MRPS27: variants seen among roughly 807,000 people sequenced by gnomAD.
MRPS27 encodes mitochondrial ribosomal protein S27, also known as small ribosomal subunit protein mS27.
MRPS27 carries 43 observed loss-of-function variants against 48.9 expected under a neutral mutation model. That is an observed-to-expected ratio of 0.88 (90% CI 0.69 to 1.13). The LOEUF (loss-of-function observed/expected upper bound fraction) is 1.13. MRPS27 is among the 50% of genes most tolerant of loss of function. MRPS27 has a pLI of 0.00. For missense variants in MRPS27, 467 were observed against 476.3 expected, an observed-to-expected ratio of 0.98 and a Z score of 0.18; for synonymous variants, 188 against 171.9, an observed-to-expected ratio of 1.09 and a Z score of -0.73.
At chr5:72,240,418 T>A (rs1748318284) in intron 4 of MRPS27, among the ~76,000 whole-genome samples, 1 of 151,728 alleles carries the variant, frequency 6.6e-6, no homozygotes, top group Non-Finnish European at 1.5e-5. Context: ...AAACGAAATA[T>A]AATTATTTTT....
chr5:72,221,173 GAGA>G (rs1302159491), intron 10 of MRPS27, 25 bp from the exon 11 acceptor site: 4 of 1,610,962 alleles, frequency 2.5e-6, no homozygotes. Context: ...TGGGAAAAAT[GAGA>G]AGAAAGGTAG....
intron 4 of MRPS27, among the ~76,000 whole-genome samples, chr5:72,273,431 G>T (rs1749296682): frequency 6.6e-6 from 1 of 152,200 alleles, no homozygotes; most frequent in Non-Finnish European, 1.5e-5. Context: ...CACTCTCTGA[G>T]AAATGTGTTG....
At chr5:72,258,334 T>C (rs1053283293) in intron 4 of MRPS27, among the ~76,000 whole-genome samples, 1 of 152,180 alleles carries the variant, frequency 6.6e-6, no homozygotes, top group East Asian at 1.9e-4. Context: ...TTTAGAGGCT[T>C]ATCAAGCAAA....
At chr5:72,279,045 T>C (rs1183966495) in intron 4 of MRPS27, among the ~76,000 whole-genome samples, 2 of 152,180 alleles carry the variant, frequency 1.3e-5, no homozygotes, top group African/African-American at 4.8e-5. Context: ...ATGCCCATCC[T>C]CTTTTACTTC....
At chr5:72,225,610 C>A (rs1318795180) in intron 9 of MRPS27, among the ~76,000 whole-genome samples, 3 of 152,334 alleles carry the variant, frequency 2.0e-5, no homozygotes, top group South Asian at 4.1e-4. Flanking sequence ...ATCAGCATCA[C>A]ACATTCACAC....
chr5:72,273,737 G>T (rs1228958074), intron 4 of MRPS27, among the ~76,000 whole-genome samples: 2 of 152,164 alleles, frequency 1.3e-5, no homozygotes, highest in South Asian at 4.1e-4. Context: ...AGTAGCTCTG[G>T]GTGAGTCAGT....
At chr5:72,314,250 CTACTAGATT>C in intron 1 of MRPS27, 92 bp from the exon 2 acceptor site, 3 of 838,994 alleles carry the variant, frequency 3.6e-6, no homozygotes, top group Non-Finnish European at 5.7e-6. Context: ...ATCCTTTCAA[CTACTAGATT>C]ATATATTTTA....
chr5:72,273,465 TCA>T (rs1749297658), intron 4 of MRPS27, among the ~76,000 whole-genome samples: 1 of 152,198 alleles, frequency 6.6e-6, no homozygotes, highest in African/African-American at 2.4e-5. Flanking sequence ...TGTGTGAACA[TCA>T]CAGAGTTTAC....
chr5:72,295,636 T>C (rs1242632233), intron 3 of MRPS27, 47 bp from the exon 4 acceptor site: 2 of 1,481,228 alleles, frequency 1.4e-6, no homozygotes, highest in Admixed American at 1.7e-5. Flanking sequence ...AATTATGTCA[T>C]ATATTTGGCC....
chr5:72,283,971 T>G (rs1385839404), intron 4 of MRPS27, among the ~76,000 whole-genome samples: 1 of 152,176 alleles, frequency 6.6e-6, no homozygotes, highest in African/African-American at 2.4e-5. Flanking sequence ...GGACAGGTCT[T>G]TTTTCTCTAT....
chr5:72,289,296 G>A (rs1265693346), intron 4 of MRPS27, among the ~76,000 whole-genome samples: 2 of 152,218 alleles, frequency 1.3e-5, no homozygotes, highest in African/African-American at 4.8e-5. Context: ...TAGCAACACT[G>A]AGAGCTGTAT....
chr5:72,234,197 C>T lies in MRPS27; in HGVS notation c.397G>A (p.Val133Ile). Residue 133 changes from valine to isoleucine, a missense_variant and splice_region_variant, in exon 6 of 11, where the codon GTT (valine) becomes ATT (isoleucine). Transcript: ENST00000261413. ...TTATCTGGAAAAATTCCATATTGAA[C>T]CTATAATGAAAATGAACATAACAGG... is the stretch of plus-strand genomic sequence containing the variant. ...DKALYTLVNK[V>I]QYGIFPDNFT... 2 of 1,489,210 alleles carry T rather than the reference C, an allele frequency of 1.3e-6. No homozygotes were observed. Among genetic ancestry groups the T allele is most frequent in the East Asian group, 5.2e-5 (2 of 38,566 alleles). 92.2% of individuals were successfully genotyped at this position (1,489,210 alleles called of 1,614,324 possible). A position where few individuals can be genotyped will look rare whatever the true frequency, so the allele number is the denominator to read the frequency against.
intron 4 of MRPS27, among the ~76,000 whole-genome samples, chr5:72,274,345 C>T (rs1180585600): frequency 2.0e-5 from 3 of 152,196 alleles, no homozygotes; most frequent in African/African-American, 7.2e-5. Flanking sequence ...CAGAGTGAGA[C>T]TCTGTCTCAA....
intron 10 of MRPS27, 130 bp downstream of exon 10, chr5:72,223,553 T>G: frequency 8.8e-7 from 1 of 1,138,338 alleles, no homozygotes; most frequent in Non-Finnish European, 1.2e-6. Flanking sequence ...GCAATAAAAA[T>G]GTAATTTTTG....
intron 4 of MRPS27, among the ~76,000 whole-genome samples, chr5:72,259,840 T>A (rs950083928): frequency 6.6e-6 from 1 of 152,204 alleles, no homozygotes; most frequent in Admixed American, 6.5e-5. Flanking sequence ...TTTGAGTATG[T>A]GTTTCCATGA....
At chr5:72,239,368 T>G (rs1407830065) in intron 4 of MRPS27, among the ~76,000 whole-genome samples, 1 of 152,190 alleles carries the variant, frequency 6.6e-6, no homozygotes. Flanking sequence ...AGTGCTCTGG[T>G]GAGAGATTTG....
chr5:72,230,813 C>T (rs1353692139), intron 7 of MRPS27, among the ~76,000 whole-genome samples: 1 of 152,116 alleles, frequency 6.6e-6, no homozygotes, highest in Non-Finnish European at 1.5e-5. Context: ...ACATGGAACA[C>T]CTTGCATCCA....
intron 4 of MRPS27, among the ~76,000 whole-genome samples, chr5:72,265,951 G>C (rs1749097760): frequency 6.6e-6 from 1 of 152,190 alleles, no homozygotes; most frequent in Admixed American, 6.5e-5. Flanking sequence ...ATTTTGATTT[G>C]AAATTCGTTA....
At chr5:72,307,470 G>C (rs953329521) in intron 2 of MRPS27, among the ~76,000 whole-genome samples, 3 of 152,194 alleles carry the variant, frequency 2.0e-5, no homozygotes, top group African/African-American at 7.2e-5. Flanking sequence ...AAGCACCCTT[G>C]TCTTTTGGAG....
Sources: allele counts gnomAD v4.1 joint callset (sites outside exome capture counted in the v4.1 genomes callset), GRCh38; gene constraint gnomAD v4.1.1; transcripts MANE v1.5; gene names NCBI Gene and HGNC (gene_info 2026-07-23, HGNC 2026-07-21).